KHDRBS3: variants seen among roughly 807,000 people sequenced by gnomAD.
KHDRBS3 encodes the protein KH domain-containing, RNA-binding, signal transduction-associated protein 3.
In KHDRBS3, 23 loss-of-function variants were observed where a neutral mutation model predicts 45.6. The ratio of observed to expected loss-of-function variants is 0.50; its 90% CI spans 0.36 to 0.72. The LOEUF (loss-of-function observed/expected upper bound fraction) is 0.72, where lower values mean the gene tolerates loss of function less well. Among genes scored for constraint, KHDRBS3 ranks in the 30% least tolerant of loss-of-function variants. KHDRBS3 has a pLI of 0.00. For missense variants in KHDRBS3, 352 were observed against 424.8 expected (o/e 0.83, Z 1.51); for synonymous variants, 162 against 156.5 (o/e 1.04, Z -0.26).
intron 7 of KHDRBS3, among the ~76,000 whole-genome samples, chr8:135,622,217 C>T (rs947470402): frequency 2.0e-5 from 3 of 152,224 alleles, no homozygotes; most frequent in South Asian, 4.2e-4. Context: ...CTAGAACATA[C>T]GTAGTGCTCA....
At chr8:135,533,291 C>G (rs1233316299) in intron 2 of KHDRBS3, among the ~76,000 whole-genome samples, 1 of 152,134 alleles carries the variant, frequency 6.6e-6, no homozygotes, top group East Asian at 1.9e-4. Context: ...GCTGATCCTT[C>G]TTTTGTGCCT....
chr8:135,484,065 C>T lies in KHDRBS3; in HGVS notation c.88+26111C>T, dbSNP rs571755442. Among the ~76,000 whole-genome samples, 6 of 152,202 alleles carry T rather than the reference C, an allele frequency of 3.9e-5. No individual in the cohort carries two copies. In the South Asian group the frequency reaches 1.2e-3, roughly 32 times the overall value. On this transcript the variant is annotated intron_variant, in intron 1 of 8. Transcript: ENST00000355849. ...GGGGAAGTAATTTAACCCCTCACTA[C>T]CTACATTTCCTCAGTAAATTAGAGG...
chr8:135,491,477 A>G lies in KHDRBS3; in HGVS notation c.89-29760A>G, dbSNP rs965379282. Among the ~76,000 whole-genome samples, 17 of 152,222 alleles carry G rather than the reference A, an allele frequency of 1.1e-4. 1 individual carries two copies. The highest frequency in any genetic ancestry group is 1.1e-3 in the Admixed American group (17 of 15,276). ...AGTTAGCTTTATTCCATTTAGGTAA[A>G]TACTTAGGGCGGGATAAAGGTAAAC... On this transcript the variant is annotated intron_variant, in intron 1 of 8. Coordinates refer to ENST00000355849, the MANE Select transcript of KHDRBS3 (RefSeq NM_006558.3).
At chr8:135,501,419 A>G (rs965724698) in intron 1 of KHDRBS3, among the ~76,000 whole-genome samples, 1 of 152,318 alleles carries the variant, frequency 6.6e-6, no homozygotes. Flanking sequence ...TATTGTTTCT[A>G]TGAGTTGCAA....
chr8:135,513,619 C>T (rs1038754021), intron 1 of KHDRBS3, among the ~76,000 whole-genome samples: 5 of 152,098 alleles, frequency 3.3e-5, no homozygotes, highest in African/African-American at 1.2e-4. Context: ...TATTACTTAG[C>T]CGTTAAGAAT....
At chr8:135,568,563 A>C (rs1401501965) in intron 5 of KHDRBS3, among the ~76,000 whole-genome samples, 1 of 152,224 alleles carries the variant, frequency 6.6e-6, no homozygotes, top group African/African-American at 2.4e-5. Flanking sequence ...CAGGGAGTTA[A>C]GAGTGTTTAT....
At chr8:135,462,638 G>A (rs916218190) in intron 1 of KHDRBS3, among the ~76,000 whole-genome samples, 6 of 152,132 alleles carry the variant, frequency 3.9e-5, no homozygotes, top group Admixed American at 1.3e-4. Context: ...GGTCATGTTT[G>A]TAATCTCGAT....
intron 7 of KHDRBS3, among the ~76,000 whole-genome samples, chr8:135,633,789 G>T (rs1398926664): frequency 6.6e-6 from 1 of 152,120 alleles, no homozygotes; most frequent in Non-Finnish European, 1.5e-5. Context: ...CAGGCACCCT[G>T]CCTCTACACG....
intron 1 of KHDRBS3, among the ~76,000 whole-genome samples, chr8:135,473,076 T>C (rs1290046690): frequency 6.6e-6 from 1 of 151,486 alleles, no homozygotes; most frequent in Non-Finnish European, 1.5e-5. Flanking sequence ...TAAGTAGGAA[T>C]CTTAAAACTC....
chr8:135,461,487 C>T (rs867839447), intron 1 of KHDRBS3, among the ~76,000 whole-genome samples: 10 of 152,142 alleles, frequency 6.6e-5, no homozygotes, highest in Admixed American at 6.5e-4. Flanking sequence ...TTTGGGATCC[C>T]ACTCCGGACC....
At chr8:135,478,864 A>G (rs1822427852) in intron 1 of KHDRBS3, among the ~76,000 whole-genome samples, 1 of 152,224 alleles carries the variant, frequency 6.6e-6, no homozygotes, top group Admixed American at 6.5e-5. Context: ...AATAAAGGTA[A>G]ATCTCAAATA....
At chr8:135,619,905 G>A (rs560419071) in intron 7 of KHDRBS3, among the ~76,000 whole-genome samples, 10 of 152,272 alleles carry the variant, frequency 6.6e-5, no homozygotes, top group African/African-American at 1.7e-4. Context: ...ATTTGAAAAC[G>A]AAGGGGATTT....
chr8:135,587,687 T>C (rs2130948375), intron 6 of KHDRBS3, among the ~76,000 whole-genome samples: 1 of 152,326 alleles, frequency 6.6e-6, no homozygotes, highest in Admixed American at 6.5e-5. Context: ...ATGAGAGCAC[T>C]TTAATAATTT....
chr8:135,627,994 G>A (rs1321943285), intron 7 of KHDRBS3, among the ~76,000 whole-genome samples: 6 of 152,170 alleles, frequency 3.9e-5, no homozygotes, highest in Admixed American at 3.9e-4. Context: ...CTTAGACAAT[G>A]TCTAAACTTT....
chr8:135,544,707 C>T (rs1826204742), intron 3 of KHDRBS3, among the ~76,000 whole-genome samples: 1 of 152,236 alleles, frequency 6.6e-6, no homozygotes, highest in Non-Finnish European at 1.5e-5. Context: ...CATGGGACAC[C>T]CTGATTTTAC....
At chr8:135,648,946 T>C (rs1412994633), downstream of KHDRBS3, among the ~76,000 whole-genome samples, 1 of 152,184 alleles carries the variant, frequency 6.6e-6, no homozygotes, top group East Asian at 1.9e-4. Flanking sequence ...TAATATATAA[T>C]ATCCCAATTT....
At chr8:135,517,904 A>T (rs1190451920) in intron 1 of KHDRBS3, among the ~76,000 whole-genome samples, 1 of 152,222 alleles carries the variant, frequency 6.6e-6, no homozygotes, top group African/African-American at 2.4e-5. Flanking sequence ...GATTTGTAGG[A>T]TGCTGTGTAT....
intron 1 of KHDRBS3, among the ~76,000 whole-genome samples, chr8:135,491,859 CA>C (rs1823170598): frequency 6.6e-6 from 1 of 151,514 alleles, no homozygotes; most frequent in Non-Finnish European, 1.5e-5. Flanking sequence ...GAAATTAAGG[CA>C]GTGACAAATT....
At chr8:135,468,849 C>T (rs1372096677) in intron 1 of KHDRBS3, among the ~76,000 whole-genome samples, 2 of 152,158 alleles carry the variant, frequency 1.3e-5, no homozygotes, top group African/African-American at 4.8e-5. Flanking sequence ...TCTCTTATGA[C>T]TTGTCAATTT....
Sources: gnomAD v4.1 joint callset for allele counts (sites outside exome capture counted in the v4.1 genomes callset) on GRCh38, gnomAD v4.1.1 for gene constraint, MANE v1.5 for transcripts, NCBI Gene and HGNC (gene_info 2026-07-23, HGNC 2026-07-21) for gene names.